The following PLPP1 variants were observed in gnomAD, a reference collection of about 807,000 sequenced individuals.
PLPP1 encodes the protein phospholipid phosphatase 1.
In PLPP1, 24 loss-of-function variants were observed where a neutral mutation model predicts 31.2. The observed-to-expected ratio is 0.77, with a 90% confidence interval of 0.56 to 1.08. PLPP1 has a LOEUF of 1.08. Among genes scored for constraint, PLPP1 ranks in the 50% least tolerant of loss-of-function variants. The pLI is 0.00. For synonymous variants in PLPP1, 146 were observed against 126.3 expected, an observed-to-expected ratio of 1.16 and a Z score of -1.05; for missense variants, 319 against 342.7, an observed-to-expected ratio of 0.93 and a Z score of 0.55.
intron 1 of PLPP1, chr5:55,530,368 AGT>A: frequency 7.5e-7 from 1 of 1,333,396 alleles, no homozygotes; most frequent in South Asian, 1.2e-5. Context: ...TTACTGTTAG[AGT>A]GATCCAGTAA....
intron 1 of PLPP1, among the ~76,000 whole-genome samples, chr5:55,523,493 G>C (rs1244701839): frequency 1.3e-5 from 2 of 152,146 alleles, no homozygotes; most frequent in African/African-American, 4.8e-5. Context: ...TGCCTTGGGT[G>C]AGTTTCCCAA....
At chr5:55,491,027 G>A (rs765123264) in intron 1 of PLPP1, 19 of 1,613,468 alleles carry the variant, frequency 1.2e-5, no homozygotes, top group Non-Finnish European at 1.4e-5. Context: ...GTCATGGTAC[G>A]GATAGTTGAT....
At chr5:55,492,384 A>G (rs1472734966) in intron 1 of PLPP1, among the ~76,000 whole-genome samples, 3 of 152,158 alleles carry the variant, frequency 2.0e-5, no homozygotes, top group African/African-American at 7.2e-5. Context: ...CTTTTATTGC[A>G]TGTAAAGTTA....
intron 3 of PLPP1, among the ~76,000 whole-genome samples, chr5:55,448,971 A>C (rs4865604): frequency 0.058 from 8,800 of 152,270 alleles, 450 homozygotes; most frequent in Admixed American, 0.11. Flanking sequence ...TAGTTGTCCT[A>C]CTGTATTGAT....
In PLPP1 at chr5:55,513,268, C is replaced by CTTTTT. The variant is rs71600887; in HGVS notation, c.58+21299_58+21303dup. On this transcript the variant is annotated intron_variant, in intron 1 of 5. Transcript: ENST00000307259. ...TATAGTATTACTACTATAATGACTC[C>CTTTTT]TTTTTTTTTAAGACAGAGTCTTGCT... is the stretch of plus-strand genomic sequence containing the variant. 6.8e-5 allele frequency among the ~76,000 whole-genome samples: 8 copies of CTTTTT among 117,572 alleles called. 1 individual carries two copies. The highest frequency in any genetic ancestry group is 1.2e-4 in the Non-Finnish European group (7 of 56,978). 77.1% of individuals were successfully genotyped at this position (117,572 alleles called of 152,430 possible). A position where few individuals can be genotyped will look rare whatever the true frequency, so the allele number is the denominator to read the frequency against.
intron 1 of PLPP1, among the ~76,000 whole-genome samples, chr5:55,503,986 A>C (rs1347115861): frequency 1.3e-5 from 2 of 151,064 alleles, no homozygotes; most frequent in Non-Finnish European, 3.0e-5. Flanking sequence ...CCTCCTTAAG[A>C]CTAATGGAAC....
At chr5:55,532,629 A>G (rs1298541521) in intron 1 of PLPP1, among the ~76,000 whole-genome samples, 6 of 152,192 alleles carry the variant, frequency 3.9e-5, no homozygotes, top group Non-Finnish European at 8.8e-5. Context: ...TTAATTATTA[A>G]TAAGTCCCGA....
In PLPP1 at chr5:55,534,827, C is replaced by T; in HGVS notation, c.-198G>A. On this transcript the variant is annotated 5_prime_UTR_variant, in exon 1 of 6. Coordinates refer to ENST00000307259, the MANE Select transcript of PLPP1 (RefSeq NM_003711.4). ...GCCAGCAATGGCGCCCGGGGCCCTC[C>T]CCTCACAGCCCCCGCGAACACTCGG... 1.8e-6 allele frequency: 1 copy of T among 546,956 alleles called. No homozygotes were observed. The highest frequency in any genetic ancestry group is 2.0e-5 in the African/African-American group (1 of 49,402). 33.9% of individuals were successfully genotyped at this position (546,956 alleles called of 1,614,324 possible). A position where few individuals can be genotyped will look rare whatever the true frequency, so the allele number is the denominator to read the frequency against.
intron 1 of PLPP1, among the ~76,000 whole-genome samples, chr5:55,529,900 C>A (rs561080276): frequency 6.6e-6 from 1 of 152,226 alleles, no homozygotes; most frequent in African/African-American, 2.4e-5. Context: ...AGATAAAGTA[C>A]AACAGGGATT....
At chr5:55,498,782 T>G (rs983982825) in intron 1 of PLPP1, among the ~76,000 whole-genome samples, 2 of 152,024 alleles carry the variant, frequency 1.3e-5, no homozygotes, top group African/African-American at 4.8e-5. Context: ...TAGCAACTCT[T>G]TCTCACGCTG....
intron 3 of PLPP1, among the ~76,000 whole-genome samples, chr5:55,458,685 C>T (rs569515179): frequency 2.0e-5 from 3 of 151,570 alleles, no homozygotes; most frequent in East Asian, 3.9e-4. Context: ...GTCAGGAGTT[C>T]GGGACCACAC....
At chr5:55,451,666 G>C (rs1320940210) in intron 3 of PLPP1, among the ~76,000 whole-genome samples, 2 of 151,752 alleles carry the variant, frequency 1.3e-5, no homozygotes, top group Non-Finnish European at 2.9e-5. Flanking sequence ...GGTTCAGGCA[G>C]TTCTCCTGCC....
intron 3 of PLPP1, among the ~76,000 whole-genome samples, chr5:55,442,874 T>C (rs139686716): frequency 6.6e-6 from 1 of 151,920 alleles, no homozygotes; most frequent in African/African-American, 2.4e-5. Context: ...TTATACAGAA[T>C]GAGCCACTGA....
intron 2 of PLPP1, among the ~76,000 whole-genome samples, chr5:55,475,013 A>G (rs147931477): frequency 6.6e-6 from 1 of 152,090 alleles, no homozygotes; most frequent in African/African-American, 2.4e-5. Context: ...TGATCATCAC[A>G]TATTATAGTA....
At chr5:55,530,455 C>T (rs2111960903) in intron 1 of PLPP1, 1 of 1,251,960 alleles carries the variant, frequency 8.0e-7, no homozygotes, top group Non-Finnish European at 1.2e-6. Context: ...CTTGTATTCT[C>T]TTGGTAAGTT....
At chr5:55,463,799 A>G (rs998496262) in intron 3 of PLPP1, among the ~76,000 whole-genome samples, 1 of 147,320 alleles carries the variant, frequency 6.8e-6, no homozygotes, top group Non-Finnish European at 1.5e-5. Context: ...ATAAATAAAT[A>G]AATAAATAAA....
chr5:55,446,945 G>A (rs370440579), intron 3 of PLPP1, among the ~76,000 whole-genome samples: 181 of 152,268 alleles, frequency 1.2e-3, no homozygotes, highest in African/African-American at 4.2e-3. Flanking sequence ...ACCAGGAACC[G>A]GCAGATACTT....
intron 3 of PLPP1, among the ~76,000 whole-genome samples, chr5:55,458,910 A>C (rs1484470645): frequency 2.0e-5 from 3 of 146,390 alleles, no homozygotes; most frequent in East Asian, 4.0e-4. Context: ...AAAAAAAAAA[A>C]AAAAAACACA....
chr5:55,503,916 G>C (rs1462763727), intron 1 of PLPP1, among the ~76,000 whole-genome samples: 1 of 110,198 alleles, frequency 9.1e-6, no homozygotes, highest in Non-Finnish European at 1.9e-5. Flanking sequence ...GGAGGAAGGG[G>C]GGGGAGGAAT....
Sources: gnomAD v4.1 joint callset for allele counts (sites outside exome capture counted in the v4.1 genomes callset) on GRCh38, gnomAD v4.1.1 for gene constraint, MANE v1.5 for transcripts, NCBI Gene and HGNC (gene_info 2026-07-23, HGNC 2026-07-21) for gene names.